The following ECM2 variants were observed in gnomAD, a reference collection of about 807,000 sequenced individuals.
The protein encoded by ECM2 is extracellular matrix protein 2.
A neutral mutation model predicts 67.5 loss-of-function variants in ECM2; 57 were observed. That is an observed-to-expected ratio of 0.84 (90% CI 0.68 to 1.05). The LOEUF (loss-of-function observed/expected upper bound fraction) is 1.05, where lower values mean the gene tolerates loss of function less well. Among genes scored for constraint, ECM2 ranks in the 50% least tolerant of loss-of-function variants. ECM2 has a pLI of 0.00. For missense variants in ECM2, 741 were observed against 822.8 expected (o/e 0.90, Z 1.22); for synonymous variants, 258 against 294.5 (o/e 0.88, Z 1.27).
intron 6 of ECM2, among the ~76,000 whole-genome samples, chr9:92,509,602 G>A (rs1302549122): frequency 1.3e-5 from 2 of 152,144 alleles, no homozygotes; most frequent in African/African-American, 4.8e-5. Flanking sequence ...AATATTTAGC[G>A]TAATTCTTCA....
At chr9:92,502,350 A>C (rs952640026) in intron 8 of ECM2, among the ~76,000 whole-genome samples, 163 bp downstream of exon 8, 1 of 152,184 alleles carries the variant, frequency 6.6e-6, no homozygotes, top group South Asian at 2.1e-4. Context: ...GAAGTAGCCC[A>C]CTTTGGGGAT....
intron 5 of ECM2, among the ~76,000 whole-genome samples, chr9:92,511,426 G>GTTTT (rs35306473): frequency 6.9e-6 from 1 of 144,660 alleles, no homozygotes; most frequent in Non-Finnish European, 1.5e-5. Context: ...TGCCTGGCCT[G>GTTTT]TTTTTTTTTT....
chr9:92,495,998 G>T lies in ECM2; in HGVS notation c.*317C>A. ...GTTCTCAGCTAACACCAGTATTCAA[G>T]TTGATTATAAAGGCTGTGTTTATTT... On this transcript the variant is annotated 3_prime_UTR_variant, in exon 10 of 10. Transcript: ENST00000344604. 1 of 997,822 alleles carries T rather than the reference G, an allele frequency of 1.0e-6. No homozygotes were observed. The highest frequency in any genetic ancestry group is 1.2e-6 in the Non-Finnish European group (1 of 838,586). 61.8% of individuals were successfully genotyped at this position (997,822 alleles called of 1,614,324 possible).
chr9:92,552,114 GTGATATGATAGA>G, the ECM2 span, among the ~76,000 whole-genome samples: 11 of 142,346 alleles, frequency 7.7e-5, 1 homozygote, highest in African/African-American at 2.7e-4. Flanking sequence ...TCATATATAT[GTGATATGATAGA>G]TCTATCATAT....
intron 2 of ECM2, among the ~76,000 whole-genome samples, chr9:92,521,474 C>A (rs1440392734): frequency 6.6e-6 from 1 of 152,086 alleles, no homozygotes; most frequent in Admixed American, 6.6e-5. Flanking sequence ...TATATTATTT[C>A]TGTTAAATAC....
Position 92,505,695 on chromosome 9 carries a change from A to G in ECM2, c.1307-5T>C, listed in dbSNP as rs1208486098. On this transcript the variant is annotated splice_polypyrimidine_tract_variant and splice_region_variant and intron_variant, in intron 6 of 9. Transcript: ENST00000344604. ...AGGTGACCAACTGATTTAAGTCTAT[A>G]AAAAATAAAAGTATTAGAATATTAG... The G allele has an allele frequency of 1.3e-6, 2 of 1,559,690 alleles. No individual in the cohort carries two copies. The highest frequency in any genetic ancestry group is 1.4e-5 in the African/African-American group (1 of 71,906).
chr9:92,506,165 GA>G (rs1211802164), intron 6 of ECM2, among the ~76,000 whole-genome samples: 2 of 152,200 alleles, frequency 1.3e-5, no homozygotes, highest in African/African-American at 4.8e-5. Context: ...TTAATGCAAT[GA>G]ATGATTTCTT....
intron 1 of ECM2, among the ~76,000 whole-genome samples, chr9:92,527,003 A>AT (rs1554682056): frequency 2.0e-5 from 3 of 149,456 alleles, no homozygotes; most frequent in East Asian, 2.0e-4. Context: ...AGATATGTTT[A>AT]TTATTTATTT....
At chr9:92,505,891 A>C (rs937515673) in intron 6 of ECM2, among the ~76,000 whole-genome samples, 1 of 152,208 alleles carries the variant, frequency 6.6e-6, no homozygotes, top group Non-Finnish European at 1.5e-5. Flanking sequence ...AACTAAATGC[A>C]TGGTCCAGTA....
intron 1 of ECM2, among the ~76,000 whole-genome samples, chr9:92,523,112 G>C (rs1238552282): frequency 6.7e-6 from 1 of 150,334 alleles, no homozygotes; most frequent in Non-Finnish European, 1.5e-5. Context: ...ATGGGGTCTT[G>C]CTCCATCGCC....
At chr9:92,515,305 G>T in intron 3 of ECM2, 102 bp from the exon 4 acceptor site, 1 of 1,299,860 alleles carries the variant, frequency 7.7e-7, no homozygotes, top group South Asian at 2.7e-5. Flanking sequence ...TTCCCTCCAA[G>T]TATTTGAGTG....
At chr9:92,506,106 CAT>C (rs779573381) in intron 6 of ECM2, among the ~76,000 whole-genome samples, 4 of 152,120 alleles carry the variant, frequency 2.6e-5, no homozygotes, top group Non-Finnish European at 5.9e-5. Context: ...ATTGCAAAGA[CAT>C]AGATGTATGA....
chr9:92,507,201 T>C (rs943395449), intron 6 of ECM2, among the ~76,000 whole-genome samples: 14 of 152,168 alleles, frequency 9.2e-5, no homozygotes, highest in African/African-American at 3.4e-4. Flanking sequence ...TCAGGATTAA[T>C]GGAAGTGCTG....
At chr9:92,546,477 C>A in the ECM2 span, among the ~76,000 whole-genome samples, 2 of 152,118 alleles carry the variant, frequency 1.3e-5, no homozygotes, top group Non-Finnish European at 1.5e-5. Context: ...CCAGCGAGTC[C>A]ACGAACCCAC....
At chr9:92,533,316 A>ATATATATATAT (rs1848936762) in intron 1 of ECM2, among the ~76,000 whole-genome samples, 1 of 97,174 alleles carries the variant, frequency 1.0e-5, no homozygotes, top group African/African-American at 4.2e-5. Context: ...AAAAAAAAAA[A>ATATATATATAT]AAAAAAAAAA....
At chr9:92,524,495 T>C (rs552321173) in intron 1 of ECM2, among the ~76,000 whole-genome samples, 1 of 152,330 alleles carries the variant, frequency 6.6e-6, no homozygotes, top group South Asian at 2.1e-4. Context: ...CCAATCTCTC[T>C]TGGCCTAAAG....
chr9:92,514,673 G>A lies in ECM2; in HGVS notation c.1012C>T (p.Pro338Ser). 1 of 1,606,112 alleles carries A rather than the reference G, an allele frequency of 6.2e-7. No homozygotes were observed. The highest frequency in any genetic ancestry group is 8.5e-7 in the Non-Finnish European group (1 of 1,174,688). Reference protein sequence around the residue: ...SCINAMLTQIPPLTAPQITSL... With the variant: ...SCINAMLTQISPLTAPQITSL... ...GTTATCTGTGGTGCTGTCAGCGGTG[G>A]TATCTGGGTAAGCATGGCGTTGATG... Residue 338 changes from proline to serine, a missense_variant, in exon 4 of 10, where the codon CCA (proline) becomes TCA (serine). Physicochemically the swap from Pro to Ser is moderately conservative, Grantham distance 74. Transcript: ENST00000344604.
At chr9:92,518,085 C>G (rs1043856469) in intron 2 of ECM2, among the ~76,000 whole-genome samples, 11 of 152,176 alleles carry the variant, frequency 7.2e-5, no homozygotes, top group African/African-American at 2.7e-4. Flanking sequence ...CACGTAGGCT[C>G]TAAGAGTGAA....
Position 92,495,373 on chromosome 9 carries a change from G to A in ECM2, c.*942C>T, listed in dbSNP as rs568159551. The A allele has an allele frequency of 1.5e-5, 15 of 976,250 alleles. No homozygotes were observed. Among genetic ancestry groups the A allele is most frequent in the Non-Finnish European group, 1.8e-5 (15 of 821,618 alleles). The allele number at this position is 976,250 out of a possible 1,614,324, so 60.5% of individuals were successfully genotyped here. On this transcript the variant is annotated 3_prime_UTR_variant, in exon 10 of 10. Transcript: ENST00000344604. Reference sequence around the variant, plus strand: ...AGGGCCAATACATAGTAAAGACATAGCTTTATTTCAATTGAACCGAATAAA... The same window carrying A: ...AGGGCCAATACATAGTAAAGACATAACTTTATTTCAATTGAACCGAATAAA...
Sources: gnomAD v4.1 joint callset for allele counts (sites outside exome capture counted in the v4.1 genomes callset) on GRCh38, gnomAD v4.1.1 for gene constraint, MANE v1.5 for transcripts, NCBI Gene and HGNC (gene_info 2026-07-23, HGNC 2026-07-21) for gene names.